WNK1: variants seen among roughly 807,000 people sequenced by gnomAD.
The protein encoded by WNK1 is serine/threonine-protein kinase WNK1.
A neutral mutation model predicts 222.8 loss-of-function variants in WNK1; 38 were observed. The observed-to-expected ratio is 0.17, with a 90% CI of 0.13 to 0.22. WNK1 has a LOEUF of 0.22. WNK1 is among the 10% of genes least tolerant of loss of function. The probability of loss-of-function intolerance (pLI) is 1.00; values close to 1 mark genes in which losing one functional copy is unlikely to be tolerated. For missense variants in WNK1, 2,348 were observed against 2,918.4 expected (o/e 0.80, Z 4.50); for synonymous variants, 1,090 against 1,092.9 (o/e 1.00, Z 0.05).
chr12:881,855 A>G (rs1953194726), intron 13 of WNK1, 56 bp from the exon 14 acceptor site: 2 of 1,613,812 alleles, frequency 1.2e-6, no homozygotes, highest in Non-Finnish European at 1.7e-6. Context: ...CCAAACTGTC[A>G]GACCTTTAAA....
intron 4 of WNK1, among the ~76,000 whole-genome samples, chr12:846,311 A>G (rs1278256107): frequency 1.3e-5 from 2 of 152,196 alleles, no homozygotes; most frequent in African/African-American, 2.4e-5. Context: ...TAATGAGAAG[A>G]TCCAAGTAAA....
chr12:853,694 A>T (rs137900587), intron 4 of WNK1, among the ~76,000 whole-genome samples: 20 of 152,362 alleles, frequency 1.3e-4, no homozygotes, highest in African/African-American at 4.6e-4. Context: ...AAATTAATAC[A>T]TAGTTTTATT....
intron 4 of WNK1, among the ~76,000 whole-genome samples, chr12:844,553 C>G (rs911500702): frequency 6.6e-6 from 1 of 152,028 alleles, no homozygotes; most frequent in Non-Finnish European, 1.5e-5. Context: ...CTAAGGATGC[C>G]GCAGGTGGCA....
In WNK1 at chr12:753,326, C is replaced by T. The variant is rs1939474058; in HGVS notation, c.-240C>T. The T allele has an allele frequency of 3.5e-6, 2 of 572,916 alleles. No individual in the cohort carries two copies. The highest frequency in any genetic ancestry group is 6.1e-6 in the Non-Finnish European group (2 of 327,000). 35.5% of individuals were successfully genotyped at this position (572,916 alleles called of 1,614,324 possible). ...CCCCCGTGGCTCAGCTCCCGAATCG[C>T]CCGCCTTCGAGCCCTCCTCGTGAGC... On this transcript the variant is annotated 5_prime_UTR_variant, in exon 1 of 28. Transcript: ENST00000315939. The surrounding 1 kb of genome is among the most constrained non-coding windows in gnomAD (Gnocchi z 5.2).
At chr12:901,300 C>T (rs919233199) in intron 26 of WNK1, among the ~76,000 whole-genome samples, 1 of 152,222 alleles carries the variant, frequency 6.6e-6, no homozygotes, top group Non-Finnish European at 1.5e-5. Context: ...AGTCTCTTCA[C>T]AGGAAGAATG....
Position 896,485 on chromosome 12 carries a change from G to C in WNK1, c.5998G>C (p.Glu2000Gln), listed in dbSNP as rs774666279. The change falls in exon 24 of 28, where the codon GAA becomes CAA. Residue 2000 changes from glutamate to glutamine, a missense_variant. Glu to Gln is a conservative substitution (Grantham distance 29). Transcript: ENST00000315939. ...PAVIPKKEKP[E>Q]LSEPSHLNGP... is the part of the protein sequence containing the mutation. Reference sequence around the variant, plus strand: ...TGTGATACCAAAGAAAGAGAAGCCTGAACTGTCAGAGCCTTCACATCTAAA... The same window carrying C: ...TGTGATACCAAAGAAAGAGAAGCCTCAACTGTCAGAGCCTTCACATCTAAA... The C allele has an allele frequency of 1.2e-5, 19 of 1,613,748 alleles. No individual in the cohort carries two copies. The highest frequency in any genetic ancestry group is 9.4e-5 in the African/African-American group (7 of 74,792).
intron 1 of WNK1, among the ~76,000 whole-genome samples, chr12:801,423 T>TTGTGTGTGTG (rs367875366): frequency 5.3e-4 from 76 of 143,986 alleles, no homozygotes; most frequent in African/African-American, 1.3e-3. Context: ...CTTTTTTTCT[T>TTGTGTGTGTG]TGTGTGTGTG....
chr12:881,597 TG>T, intron 12 of WNK1, 94 bp from the exon 13 acceptor site: 1 of 953,548 alleles, frequency 1.0e-6, no homozygotes, highest in Non-Finnish European at 1.7e-6. Context: ...TAGGACGTAG[TG>T]GGGAGGGATA....
At chr12:801,308 A>T (rs1367081268) in intron 1 of WNK1, among the ~76,000 whole-genome samples, 2 of 152,196 alleles carry the variant, frequency 1.3e-5, no homozygotes, top group East Asian at 1.9e-4. Flanking sequence ...TGTCACGTGT[A>T]TCGCTCTTTG....
At chr12:848,496 C>CTTTTTTTTTTTTTTTTTTTTTT (rs10644583) in intron 4 of WNK1, among the ~76,000 whole-genome samples, 1 of 99,258 alleles carries the variant, frequency 1.0e-5, no homozygotes, top group African/African-American at 3.7e-5. Context: ...CCAGTAAAAA[C>CTTTTTTTTTTTTTTTTTTTTTT]TTTTTTTTTT....
chr12:819,488 G>A (rs1257036388), intron 2 of WNK1, among the ~76,000 whole-genome samples: 1 of 152,188 alleles, frequency 6.6e-6, no homozygotes, highest in African/African-American at 2.4e-5. Context: ...TGGTGCTCAA[G>A]TTCAGATTTT....
chr12:755,626 TAA>T (rs549151044), intron 1 of WNK1, among the ~76,000 whole-genome samples: 2 of 146,472 alleles, frequency 1.4e-5, no homozygotes, highest in Admixed American at 6.8e-5. Flanking sequence ...GACAGATCTT[TAA>T]AAAAAAAAAA....
chr12:778,597 C>CT (rs1159913479), intron 1 of WNK1, among the ~76,000 whole-genome samples: 2 of 150,780 alleles, frequency 1.3e-5, no homozygotes, highest in African/African-American at 4.9e-5. Context: ...TGCCAAAGTG[C>CT]TGGGATTACA....
chr12:870,925 A>T (rs530908414), intron 8 of WNK1, among the ~76,000 whole-genome samples: 16 of 152,348 alleles, frequency 1.1e-4, no homozygotes, highest in African/African-American at 3.4e-4. Context: ...GATAGTATTA[A>T]TACTTTGTTC....
At chr12:760,029 T>A (rs1940796486) in intron 1 of WNK1, among the ~76,000 whole-genome samples, 1 of 148,108 alleles carries the variant, frequency 6.8e-6, no homozygotes, top group Non-Finnish European at 1.5e-5. Context: ...ACTTAACTAC[T>A]GTTCTTGGAG....
chr12:870,098 A>G (rs1241008461), intron 8 of WNK1, among the ~76,000 whole-genome samples: 2 of 152,196 alleles, frequency 1.3e-5, no homozygotes, highest in Non-Finnish European at 2.9e-5. Context: ...TGGATATCCT[A>G]CATAAAGTAC....
intron 20 of WNK1, 107 bp from the exon 21 acceptor site, chr12:889,033 G>A (rs1953947807): frequency 4.7e-6 from 4 of 860,190 alleles, no homozygotes. Context: ...CAAATGTTAT[G>A]TTGTGCCAAT....
At chr12:837,413 A>G (rs1367082084) in intron 4 of WNK1, among the ~76,000 whole-genome samples, 1 of 152,034 alleles carries the variant, frequency 6.6e-6, no homozygotes, top group Non-Finnish European at 1.5e-5. Context: ...GTCTCTACTA[A>G]AAATACAAAA....
chr12:884,951 A>G lies in WNK1; in HGVS notation c.4147A>G (p.Ile1383Val), dbSNP rs999522221. 4 of 1,614,054 alleles carry G rather than the reference A, an allele frequency of 2.5e-6. No individual in the cohort carries two copies. The highest frequency in any genetic ancestry group is 1.7e-5 in the Admixed American group (1 of 60,010). The change falls in exon 19 of 28, where the codon ATT (isoleucine) becomes GTT (valine). Residue 1383 changes from isoleucine to valine, a missense_variant. Physicochemically the swap from Ile to Val is conservative, Grantham distance 29. Around this residue, in one of 13 missense-constraint regions of WNK1, gnomAD observed 1,144 missense variants for 1,273.6 expected, o/e 0.90. Transcript: ENST00000315939. The surrounding 1 kb of genome is among the most constrained non-coding windows in gnomAD (Gnocchi z 5.6). ...GGTTACAGTGCCCACTGAAGAGGGGATTGCTGGAGTTGCCACCAGCACAGG... is the reference window on the plus strand; with the variant it reads ...GGTTACAGTGCCCACTGAAGAGGGGGTTGCTGGAGTTGCCACCAGCACAGG... The part of the protein sequence containing the change: ...SEVTVPTEEG[I>V]AGVATSTGVV...
Sources: allele counts gnomAD v4.1 joint callset (sites outside exome capture counted in the v4.1 genomes callset), GRCh38; gene constraint gnomAD v4.1.1; regional missense constraint gnomAD v4.1.1; non-coding constraint Gnocchi (gnomAD v3.1); transcripts MANE v1.5; gene names NCBI Gene and HGNC (gene_info 2026-07-23, HGNC 2026-07-21).